The following INVS variants were observed in gnomAD, a reference collection of about 807,000 sequenced individuals.
INVS encodes the protein inversin.
Under a neutral mutation model 108.8 loss-of-function variants are expected in INVS, and 86 were observed. The observed-to-expected ratio is 0.79, with a 90% CI of 0.66 to 0.95. INVS has a LOEUF of 0.95. Among genes scored for constraint, INVS ranks in the 40% least tolerant of loss-of-function variants. The probability of loss-of-function intolerance (pLI) is 0.00; values close to 1 mark genes in which losing one functional copy is unlikely to be tolerated. For synonymous variants in INVS, 455 were observed against 473.5 expected, an observed-to-expected ratio of 0.96 and a Z score of 0.51; for missense variants, 1,169 against 1,297.4, an observed-to-expected ratio of 0.90 and a Z score of 1.52.
intron 3 of INVS, among the ~76,000 whole-genome samples, chr9:100,189,666 A>C (rs1019871374): frequency 2.0e-5 from 3 of 151,848 alleles, no homozygotes; most frequent in Non-Finnish European, 4.4e-5. Context: ...AGTGAGACTT[A>C]TTTTGTTGCC....
chr9:100,250,856 T>G (rs1832209698), intron 8 of INVS, among the ~76,000 whole-genome samples: 1 of 152,210 alleles, frequency 6.6e-6, no homozygotes, highest in Non-Finnish European at 1.5e-5. Context: ...CTTCCATCAC[T>G]GACTGATAGG....
At chr9:100,256,768 G>A (rs1012963607) in intron 10 of INVS, among the ~76,000 whole-genome samples, 2 of 152,176 alleles carry the variant, frequency 1.3e-5, no homozygotes, top group African/African-American at 4.8e-5. Context: ...TGATTGCACT[G>A]TGGTCTGAGA....
At chr9:100,179,347 T>C (rs1293583060) in intron 3 of INVS, among the ~76,000 whole-genome samples, 3 of 151,710 alleles carry the variant, frequency 2.0e-5, no homozygotes, top group Non-Finnish European at 4.4e-5. Flanking sequence ...GACTGGCAAA[T>C]TGGATAAAGA....
At chr9:100,146,165 C>G (rs1285740066) in intron 3 of INVS, among the ~76,000 whole-genome samples, 1 of 152,158 alleles carries the variant, frequency 6.6e-6, no homozygotes, top group Non-Finnish European at 1.5e-5. Flanking sequence ...GTGTGAGCAG[C>G]AAGGCTGTTT....
In INVS at chr9:100,292,343, T is replaced by C. The variant is rs757178848; in HGVS notation, c.2086T>C (p.Ser696Pro). ...RRPNETAREH[S>P]KGQSACVHFR... Reference sequence around the variant, plus strand: ...TCCTCAAGAAACAGCCAGAGAACATTCTAAAGGCCAATCTGCTTGTGTCCA... The same window carrying C: ...TCCTCAAGAAACAGCCAGAGAACATCCTAAAGGCCAATCTGCTTGTGTCCA... The change falls in exon 14 of 17, where the codon TCT becomes CCT. Residue 696 changes from serine (S) to proline (P), a missense_variant. Coordinates refer to ENST00000262457, the MANE Select transcript of INVS (RefSeq NM_014425.5). 1 of 1,614,168 alleles carries C rather than the reference T, an allele frequency of 6.2e-7. No homozygotes were observed. The highest frequency in any genetic ancestry group is 1.1e-5 in the South Asian group (1 of 91,084).
intron 3 of INVS, among the ~76,000 whole-genome samples, chr9:100,172,837 C>T (rs1193791549): frequency 6.6e-6 from 1 of 152,152 alleles, no homozygotes; most frequent in Non-Finnish European, 1.5e-5. Context: ...AGTGGCTATT[C>T]GACCCAGTGA....
At chr9:100,128,265 A>G (rs909504778) in intron 3 of INVS, among the ~76,000 whole-genome samples, 1 of 152,198 alleles carries the variant, frequency 6.6e-6, no homozygotes, top group African/African-American at 2.4e-5. Flanking sequence ...TTTTCATAGT[A>G]TCGAAGAATA....
chr9:100,191,552 T>C (rs1249762110), intron 3 of INVS, among the ~76,000 whole-genome samples: 1 of 152,170 alleles, frequency 6.6e-6, no homozygotes, highest in East Asian at 1.9e-4. Context: ...CTTTAAAATA[T>C]CCATCTCTAG....
At chr9:100,167,358 A>G (rs1381550571) in intron 3 of INVS, among the ~76,000 whole-genome samples, 1 of 152,082 alleles carries the variant, frequency 6.6e-6, no homozygotes, top group African/African-American at 2.4e-5. Flanking sequence ...TATTTCCTCC[A>G]CATACACCAC....
chr9:100,149,427 T>G (rs984113641), intron 3 of INVS, among the ~76,000 whole-genome samples: 1 of 152,214 alleles, frequency 6.6e-6, no homozygotes, highest in Non-Finnish European at 1.5e-5. Context: ...ACTTCAATGC[T>G]AGCTAGGCTA....
chr9:100,265,697 GT>G (rs1832769663), intron 11 of INVS, among the ~76,000 whole-genome samples: 1 of 152,182 alleles, frequency 6.6e-6, no homozygotes, highest in South Asian at 2.1e-4. Context: ...AAAGTTCAGG[GT>G]TTAATCTAAA....
intron 3 of INVS, among the ~76,000 whole-genome samples, chr9:100,216,894 G>T (rs999174365): frequency 6.6e-6 from 1 of 152,132 alleles, no homozygotes; most frequent in African/African-American, 2.4e-5. Context: ...GAATACTGGG[G>T]TCACTCGCCC....
At chr9:100,211,673 C>T (rs1830836673) in intron 3 of INVS, among the ~76,000 whole-genome samples, 1 of 152,104 alleles carries the variant, frequency 6.6e-6, no homozygotes, top group Non-Finnish European at 1.5e-5. Context: ...AGCCTTAGAG[C>T]AACTAAAGAT....
At chr9:100,119,534 G>A (rs1827657115) in intron 2 of INVS, among the ~76,000 whole-genome samples, 1 of 152,198 alleles carries the variant, frequency 6.6e-6, no homozygotes, top group Non-Finnish European at 1.5e-5. Context: ...CTGAGATTTA[G>A]GATTCTCTCC....
chr9:100,226,169 T>C lies in INVS; in HGVS notation c.381T>C (p.Pro127=). The change falls in exon 4 of 17, where the codon CCT becomes CCC. Residue 127 remains proline (P), a synonymous_variant. Coordinates refer to ENST00000262457, the MANE Select transcript of INVS (RefSeq NM_014425.5). ...ACTTGACCACCCGGCACAGGAGCCC[T>C]AAGTGTTTGGCACTTCTGCTGAAGT... ...PLHLTTRHRS[P]KCLALLLKFM... is the part of the protein sequence containing the mutation. 1 of 1,614,080 alleles carries C rather than the reference T, an allele frequency of 6.2e-7. No homozygotes were observed.
chr9:100,152,254 C>T (rs1221182145), intron 3 of INVS, among the ~76,000 whole-genome samples: 1 of 152,020 alleles, frequency 6.6e-6, no homozygotes, highest in African/African-American at 2.4e-5. Flanking sequence ...TAGTACTTAA[C>T]GACACTCAAT....
chr9:100,140,855 A>T (rs1247809956), intron 3 of INVS, among the ~76,000 whole-genome samples: 2 of 152,170 alleles, frequency 1.3e-5, no homozygotes, highest in Non-Finnish European at 2.9e-5. Flanking sequence ...ACGGTTTTGT[A>T]TGAATTGAAA....
Position 100,104,709 on chromosome 9 carries a change from A to G in INVS, c.106+82A>G, listed in dbSNP as rs1172657326. The G allele has an allele frequency of 1.0e-5, 9 of 857,492 alleles. No homozygotes were observed. The African/African-American group carries it at 1.5e-4, about 14-fold the overall frequency. The allele number at this position is 857,492 out of a possible 1,614,324, so 53.1% of individuals were successfully genotyped here. ...TTTGTTAATGTTAGTTTTAATTTGC[A>G]ATGTACTCATACATTTTAATGGAAA... On this transcript the variant is annotated intron_variant, in intron 2 of 16. Transcript: ENST00000262457.
intron 1 of INVS, chr9:100,101,323 C>G (rs537251297): frequency 1.3e-5 from 2 of 151,932 alleles, no homozygotes; most frequent in Non-Finnish European, 2.9e-5. Flanking sequence ...CTGACATAGC[C>G]TGAGGACACA....
Sources: gnomAD v4.1 joint callset for allele counts (sites outside exome capture counted in the v4.1 genomes callset) on GRCh38, gnomAD v4.1.1 for gene constraint, MANE v1.5 for transcripts, NCBI Gene and HGNC (gene_info 2026-07-23, HGNC 2026-07-21) for gene names.